GNAL: variants seen among roughly 807,000 people sequenced by gnomAD.
The protein encoded by GNAL is G protein subunit alpha L, also known as guanine nucleotide-binding protein G(olf) subunit alpha.
Under a neutral mutation model 55.1 loss-of-function variants are expected in GNAL, and 18 were observed. The ratio of observed to expected loss-of-function variants is 0.33; its 90% CI spans 0.23 to 0.48. The LOEUF is 0.48. Ranked by LOEUF, GNAL falls within the 20% of genes least tolerant of loss-of-function variation. GNAL has a pLI of 0.99. For synonymous variants in GNAL, 253 were observed against 237.0 expected (o/e 1.07, Z -0.62); for missense variants, 412 against 614.1 (o/e 0.67, Z 3.48).
chr18:11,811,411 G>T (rs1485546098), intron 4 of GNAL: 2 of 152,742 alleles, frequency 1.3e-5, no homozygotes, highest in African/African-American at 4.8e-5. Flanking sequence ...CTGTGAACTG[G>T]TCAGTCCTGG....
chr18:11,855,131 G>T (rs894509215), intron 5 of GNAL, among the ~76,000 whole-genome samples: 2 of 152,120 alleles, frequency 1.3e-5, no homozygotes, highest in Non-Finnish European at 2.9e-5. Flanking sequence ...TAGAGTCGGG[G>T]TTTCACCATG....
At chr18:11,802,285 C>A (rs958399444) in intron 4 of GNAL, among the ~76,000 whole-genome samples, 15 of 152,086 alleles carry the variant, frequency 9.9e-5, no homozygotes, top group Admixed American at 6.6e-4. Flanking sequence ...CGGAGTTCCT[C>A]AAGTCATGGA....
At chr18:11,844,180 T>A (rs551624174) in intron 5 of GNAL, among the ~76,000 whole-genome samples, 9 of 152,180 alleles carry the variant, frequency 5.9e-5, no homozygotes, top group Admixed American at 3.9e-4. Flanking sequence ...ACGCCTGTAA[T>A]CCCAGCACTT....
At chr18:11,713,676 T>G (rs1481416239) in intron 1 of GNAL, among the ~76,000 whole-genome samples, 2 of 152,148 alleles carry the variant, frequency 1.3e-5, no homozygotes, top group Non-Finnish European at 2.9e-5. Context: ...AACAATCATT[T>G]AAAAATAAGC....
intron 1 of GNAL, among the ~76,000 whole-genome samples, chr18:11,734,583 A>G (rs2032419978): frequency 6.6e-6 from 1 of 151,602 alleles, no homozygotes; most frequent in Non-Finnish European, 1.5e-5. Context: ...GAGATTAGCA[A>G]TAGCTTGCAT....
chr18:11,746,885 C>A, intron 1 of GNAL: 1 of 539,386 alleles, frequency 1.9e-6, no homozygotes. Flanking sequence ...GGAAGGCACT[C>A]AGGCTCTGGA....
chr18:11,794,974 C>T (rs2034340149), intron 4 of GNAL, among the ~76,000 whole-genome samples: 1 of 152,084 alleles, frequency 6.6e-6, no homozygotes, highest in South Asian at 2.1e-4. Context: ...TCCTGAGTAG[C>T]TGGGATTACC....
chr18:11,751,574 CAGG>C lies in GNAL; in HGVS notation c.377-1276_377-1274del. On this transcript the variant is annotated intron_variant, in intron 1 of 11. Coordinates refer to ENST00000334049, the MANE Select transcript of GNAL (RefSeq NM_182978.4). This position sits in a 1 kb window ranked among gnomAD's most constrained non-coding sequence, Gnocchi z 4.5. ...TGATCCTCCGCGAGTCTTCGCCCGC[CAGG>C]AGCAGGGACGCGTCCGAGCCAACAC... The C allele has an allele frequency of 1.0e-6, 1 of 985,492 alleles. No individual in the cohort carries two copies. The highest frequency in any genetic ancestry group is 1.2e-6 in the Non-Finnish European group (1 of 829,984). 61.0% of individuals were successfully genotyped at this position (985,492 alleles called of 1,614,324 possible). A position where few individuals can be genotyped will look rare whatever the true frequency, so the allele number is the denominator to read the frequency against.
intron 5 of GNAL, among the ~76,000 whole-genome samples, chr18:11,839,469 G>T (rs1015476799): frequency 6.9e-6 from 1 of 144,116 alleles, no homozygotes; most frequent in Non-Finnish European, 1.5e-5. Flanking sequence ...CGGGAGGATT[G>T]CTTGAGTCTA....
intron 5 of GNAL, chr18:11,852,027 G>C (rs759746944): frequency 6.2e-7 from 1 of 1,613,800 alleles, no homozygotes; most frequent in Non-Finnish European, 8.5e-7. Flanking sequence ...CGCAGGGCCA[G>C]ACCGGCTCCG....
At position 11,743,126 on chromosome 18, in the gene GNAL, C is replaced by T. The variant is rs375137038; in HGVS notation, c.377-9727C>T. Among the ~76,000 whole-genome samples, 8 of 152,312 alleles carry T rather than the reference C, an allele frequency of 5.3e-5. No homozygotes were observed. In the East Asian group the frequency reaches 1.5e-3, roughly 29 times the overall value. On this transcript the variant is annotated intron_variant, in intron 1 of 11. Coordinates refer to ENST00000334049, the MANE Select transcript of GNAL (RefSeq NM_182978.4). ...ATGAGAACAGTGTGAGGCAGACAGA[C>T]AGACATTACTGAATTCCAACATGGG...
chr18:11,750,988 G>A (rs2032806981), intron 1 of GNAL, among the ~76,000 whole-genome samples: 1 of 152,134 alleles, frequency 6.6e-6, no homozygotes, highest in South Asian at 2.1e-4. Flanking sequence ...GCGCCGCCTG[G>A]GGAGCCGGGG....
rs541940417 is a variant in GNAL at position 11,855,829 on chromosome 18, G to C, written c.723-6566G>C. ...CTCTACTAAAAATACAAAATTAGCC[G>C]GGCATGGTGGCACATGCCTGTAATC... On this transcript the variant is annotated intron_variant, in intron 5 of 11. Coordinates refer to ENST00000334049, the MANE Select transcript of GNAL (RefSeq NM_182978.4). 9.9e-4 allele frequency among the ~76,000 whole-genome samples: 150 copies of C among 151,806 alleles called. 1 individual carries two copies. Among genetic ancestry groups the C allele is most frequent in the Non-Finnish European group, 1.7e-3 (118 of 68,024 alleles).
chr18:11,689,615 G>A lies in GNAL; in HGVS notation c.52G>A (p.Asp18Asn). 4 of 1,347,500 alleles carry A rather than the reference G, an allele frequency of 3.0e-6. No homozygotes were observed. In the South Asian group the frequency reaches 7.7e-5, roughly 26 times the overall value. 83.5% of individuals were successfully genotyped at this position (1,347,500 alleles called of 1,614,324 possible). ...GCTGCTTTTCGGGGGCCCAGGGGAC[G>A]ACCCCTGCGCGGCCTCGGAGCCGCC... is the stretch of plus-strand genomic sequence containing the variant. ...RPLLFGGPGD[D>N]PCAASEPPVE... is the part of the protein sequence containing the mutation. The change falls in exon 1 of 12, where the codon GAC becomes AAC. Residue 18 changes from aspartate (D) to asparagine (N), a missense_variant. This residue lies in a region of GNAL where 228 missense variants were observed against 194.8 expected (regional missense o/e 1.17). Coordinates refer to ENST00000334049, the MANE Select transcript of GNAL (RefSeq NM_182978.4).
At chr18:11,765,860 A>G (rs1467477169) in intron 4 of GNAL, among the ~76,000 whole-genome samples, 3 of 152,196 alleles carry the variant, frequency 2.0e-5, no homozygotes, top group African/African-American at 7.2e-5. Flanking sequence ...AGGCTGAACA[A>G]AAAAGATTTT....
At chr18:11,834,695 A>G (rs1488371695) in intron 5 of GNAL, among the ~76,000 whole-genome samples, 4 of 152,220 alleles carry the variant, frequency 2.6e-5, no homozygotes, top group African/African-American at 7.2e-5. Flanking sequence ...TCCAGCCAGG[A>G]CAACAGAGTG....
Position 11,867,136 on chromosome 18 carries a change from C to G in GNAL, c.852-32C>G, listed in dbSNP as rs374936134. 4 of 1,569,964 alleles carry G rather than the reference C, an allele frequency of 2.5e-6. No individual in the cohort carries two copies. In the African/African-American group the frequency reaches 4.0e-5, roughly 16 times the overall value. The stretch of plus-strand genomic sequence containing the variant: ...GTTTGCCATTGTCCCCTGCTTCCCC[C>G]AAATAATTGTGTTCCTCTTGCTCTT... On this transcript the variant is annotated intron_variant, in intron 7 of 11. Transcript: ENST00000334049.
intron 1 of GNAL, among the ~76,000 whole-genome samples, chr18:11,719,804 C>A (rs2032052890): frequency 6.6e-6 from 1 of 152,236 alleles, no homozygotes; most frequent in African/African-American, 2.4e-5. Flanking sequence ...GCGCTCACAC[C>A]ATGCTGCAGC....
intron 11 of GNAL, among the ~76,000 whole-genome samples, chr18:11,880,377 T>C (rs1169226993): frequency 6.6e-6 from 1 of 151,836 alleles, no homozygotes; most frequent in Non-Finnish European, 1.5e-5. Flanking sequence ...GAGACCAGCC[T>C]GGCCAACATG....
Sources: gnomAD v4.1 joint callset for allele counts (sites outside exome capture counted in the v4.1 genomes callset) on GRCh38, gnomAD v4.1.1 for gene constraint, gnomAD v4.1.1 regional missense constraint, Gnocchi (gnomAD v3.1) non-coding constraint, MANE v1.5 for transcripts, NCBI Gene and HGNC (gene_info 2026-07-23, HGNC 2026-07-21) for gene names.